Variants in ZNF331 observed in about 807,000 individuals in gnomAD.
The protein encoded by ZNF331 is zinc finger protein 331.
ZNF331 carries 2 observed loss-of-function variants against 7.0 expected under a neutral mutation model. The observed-to-expected ratio is 0.29, with a 90% confidence interval of 0.12 to 0.90. ZNF331 has a LOEUF of 0.90. Ranked by LOEUF, ZNF331 falls within the 40% of genes least tolerant of loss-of-function variation. The pLI, the probability that ZNF331 is intolerant of heterozygous loss-of-function variation, is 0.58. For synonymous variants in ZNF331, 196 were observed against 205.4 expected, an observed-to-expected ratio of 0.95 and a Z score of 0.39; for missense variants, 432 against 587.7, an observed-to-expected ratio of 0.74 and a Z score of 2.74.
rs760212404 is a variant in ZNF331 at position 53,539,738 on chromosome 19, T to C, written c.-138+456T>C. The stretch of plus-strand genomic sequence containing the variant: ...CCCCACCACCACCACCCTAAGGAGA[T>C]ACTCTGTAATTTCATGGCATTAAGA... On this transcript the variant is annotated intron_variant, in intron 2 of 5. Transcript: ENST00000449416. This position sits in a 1 kb window ranked among gnomAD's most constrained non-coding sequence, Gnocchi z 6.1. Among the ~76,000 whole-genome samples the C allele has an allele frequency of 6.6e-6, 1 of 152,180 alleles. No homozygotes were observed. The highest frequency in any genetic ancestry group is 1.5e-5 in the Non-Finnish European group (1 of 68,016).
intron 3 of ZNF331, among the ~76,000 whole-genome samples, chr19:53,557,616 C>T (rs1028549343): frequency 6.6e-6 from 1 of 152,140 alleles, no homozygotes; most frequent in Non-Finnish European, 1.5e-5. Context: ...TCAGTGTGTA[C>T]AAAACCAACT....
the ZNF331 span, among the ~76,000 whole-genome samples, chr19:53,513,876 C>T: frequency 6.6e-6 from 1 of 152,132 alleles, no homozygotes; most frequent in African/African-American, 2.4e-5. Flanking sequence ...TTCCAAAGTG[C>T]TGGGATTACA....
chr19:53,508,746 C>T, the ZNF331 span, among the ~76,000 whole-genome samples: 1 of 152,164 alleles, frequency 6.6e-6, no homozygotes, highest in African/African-American at 2.4e-5. Context: ...AGTGGCAGCC[C>T]AGCTAAAAGC....
intron 2 of ZNF331, among the ~76,000 whole-genome samples, chr19:53,544,762 CTT>C (rs1456640692): frequency 6.6e-6 from 1 of 151,788 alleles, no homozygotes; most frequent in Non-Finnish European, 1.5e-5. Context: ...GAGACGGAGT[CTT>C]TCTCTGTCAC....
upstream of ZNF331, among the ~76,000 whole-genome samples, chr19:53,515,678 G>A (rs1177228726): frequency 6.6e-6 from 1 of 152,104 alleles, no homozygotes; most frequent in Non-Finnish European, 1.5e-5. Context: ...TGTATTTTTA[G>A]TAGAGACGGG....
chr19:53,507,971 C>T, the ZNF331 span, among the ~76,000 whole-genome samples: 1 of 152,164 alleles, frequency 6.6e-6, no homozygotes, highest in African/African-American at 2.4e-5. Flanking sequence ...TGGCCACTGC[C>T]CACATTCTAG....
Position 53,564,932 on chromosome 19 carries a change from T to C in ZNF331, c.-73-4372T>C, listed in dbSNP as rs2090083092. 2.6e-5 allele frequency among the ~76,000 whole-genome samples: 4 copies of C among 152,210 alleles called. No homozygotes were observed. The South Asian group carries it at 8.3e-4, about 32-fold the overall frequency. On this transcript the variant is annotated intron_variant, in intron 3 of 5. Coordinates refer to ENST00000449416, the MANE Select transcript of ZNF331 (RefSeq NM_001079906.2). ...TTTATCTCAGTTTAAAAGACAATCT[T>C]TCCTAGAAAAAACTGATTTTTTGAA...
Position 53,539,759 on chromosome 19 carries a change from T to C in ZNF331, c.-138+477T>C, listed in dbSNP as rs1385154450. Among the ~76,000 whole-genome samples the C allele has an allele frequency of 6.6e-6, 1 of 152,164 alleles. No individual in the cohort carries two copies. Among genetic ancestry groups the C allele is most frequent in the Non-Finnish European group, 1.5e-5 (1 of 68,022 alleles). On this transcript the variant is annotated intron_variant, in intron 2 of 5. Coordinates refer to ENST00000449416, the MANE Select transcript of ZNF331 (RefSeq NM_001079906.2). This position sits in a 1 kb window ranked among gnomAD's most constrained non-coding sequence, Gnocchi z 6.1. Reference sequence around the variant, plus strand: ...GAGATACTCTGTAATTTCATGGCATTAAGAAGGATGGACATGCCCCAAAGA... The same window carrying C: ...GAGATACTCTGTAATTTCATGGCATCAAGAAGGATGGACATGCCCCAAAGA...
rs769874224 is a variant in ZNF331 at position 53,577,878 on chromosome 19, G to A, written c.1318G>A (p.Glu440Lys). 94 of 1,613,642 alleles carry A rather than the reference G, an allele frequency of 5.8e-5. No homozygotes were observed. Among genetic ancestry groups the A allele is most frequent in the Non-Finnish European group, 7.3e-5 (86 of 1,180,020 alleles). The change falls in exon 6 of 6, where the codon GAA becomes AAA. Residue 440 changes from glutamate (E) to lysine (K), a missense_variant. Coordinates refer to ENST00000449416, the MANE Select transcript of ZNF331 (RefSeq NM_001079906.2). ...QKTHSGAKSY[E>K]CKECGKACNH... The stretch of plus-strand genomic sequence containing the variant: ...AACGCACAGTGGGGCGAAATCCTAC[G>A]AATGTAAGGAGTGCGGGAAGGCATG...
the ZNF331 span, among the ~76,000 whole-genome samples, chr19:53,505,038 G>A: frequency 1.3e-5 from 2 of 152,204 alleles, no homozygotes; most frequent in Non-Finnish European, 2.9e-5. Context: ...AGCAGGAAAG[G>A]ACGAAGAGTC....
At chr19:53,547,193 T>G (rs1198338804) in intron 2 of ZNF331, among the ~76,000 whole-genome samples, 1 of 152,174 alleles carries the variant, frequency 6.6e-6, no homozygotes, top group Non-Finnish European at 1.5e-5. Context: ...TCCTTTAATC[T>G]TCTCATTCCC....
Position 53,577,299 on chromosome 19 carries a change from G to C in ZNF331, c.739G>C (p.Asp247His). ...TGGGGAGAAAGACTACGAATGCAAA[G>C]ACTGTGGGAAGACCTTTAGCCGTGT... ...HTGEKDYECK[D>H]CGKTFSRVYK... is the part of the protein sequence containing the mutation. Residue 247 changes from aspartate (D) to histidine (H), a missense_variant, in exon 6 of 6, where the codon GAC becomes CAC. By Grantham distance (81) the Asp-to-His change is moderately conservative. Transcript: ENST00000449416. 6.2e-7 allele frequency: 1 copy of C among 1,614,016 alleles called. No individual in the cohort carries two copies. Among genetic ancestry groups the C allele is most frequent in the Non-Finnish European group, 8.5e-7 (1 of 1,180,018 alleles).
chr19:53,578,048 A>C lies in ZNF331; in HGVS notation c.*96A>C, dbSNP rs1439759799. ...ACTGCAGTTCAAAAATATTAAATGGAAAATTCCAGAAATAAAGAATTTTAA... is the reference window on the plus strand; with the variant it reads ...ACTGCAGTTCAAAAATATTAAATGGCAAATTCCAGAAATAAAGAATTTTAA... On this transcript the variant is annotated 3_prime_UTR_variant, in exon 6 of 6. Coordinates refer to ENST00000449416, the MANE Select transcript of ZNF331 (RefSeq NM_001079906.2). 7.3e-7 allele frequency: 1 copy of C among 1,364,558 alleles called. No individual in the cohort carries two copies. The highest frequency in any genetic ancestry group is 9.8e-7 in the Non-Finnish European group (1 of 1,023,540). 84.5% of individuals were successfully genotyped at this position (1,364,558 alleles called of 1,614,324 possible).
chr19:53,556,528 T>C (rs2089441677), intron 3 of ZNF331, among the ~76,000 whole-genome samples: 1 of 151,922 alleles, frequency 6.6e-6, no homozygotes, highest in South Asian at 2.1e-4. Context: ...TCTCACTATG[T>C]TACCCAGGCT....
intron 2 of ZNF331, among the ~76,000 whole-genome samples, chr19:53,552,833 T>C (rs1165012215): frequency 6.6e-6 from 1 of 151,850 alleles, no homozygotes; most frequent in Non-Finnish European, 1.5e-5. Flanking sequence ...TTAAAAAATC[T>C]TTACATATTG....
At chr19:53,559,358 CACAT>C (rs1461873213) in intron 3 of ZNF331, among the ~76,000 whole-genome samples, 1 of 149,144 alleles carries the variant, frequency 6.7e-6, no homozygotes, top group Non-Finnish European at 1.5e-5. Flanking sequence ...ACACCATACA[CACAT>C]ATACACACAC....
chr19:53,564,528 G>T (rs533552545), intron 3 of ZNF331, among the ~76,000 whole-genome samples: 1 of 152,098 alleles, frequency 6.6e-6, no homozygotes, highest in Non-Finnish European at 1.5e-5. Context: ...TGATCCACCC[G>T]CCTTGGCCTC....
intron 4 of ZNF331, among the ~76,000 whole-genome samples, 188 bp downstream of exon 4, chr19:53,569,573 G>A (rs111420862): frequency 5.1e-4 from 78 of 152,264 alleles, no homozygotes; most frequent in African/African-American, 1.7e-3. Context: ...CACTGAGCAG[G>A]TGATTAAGTA....
the ZNF331 span, among the ~76,000 whole-genome samples, chr19:53,506,411 CCTCTCTCTCTCTCTCTCTCTCT>C: frequency 1.9e-3 from 141 of 74,328 alleles, 2 homozygotes; most frequent in South Asian, 6.9e-3. Context: ...CTCTCTCTCT[CCTCTCTCTCTCTCTCTCTCTCT>C]CTCTCTCTCT....
Sources: allele counts gnomAD v4.1 joint callset (sites outside exome capture counted in the v4.1 genomes callset), GRCh38; gene constraint gnomAD v4.1.1; non-coding constraint Gnocchi (gnomAD v3.1); transcripts MANE v1.5; gene names NCBI Gene and HGNC (gene_info 2026-07-23, HGNC 2026-07-21).